Variants in BDNF observed in about 807,000 individuals in gnomAD.
The protein encoded by BDNF is brain derived neurotrophic factor, also known as neurotrophic factor BDNF precursor form.
A neutral mutation model predicts 19.5 loss-of-function variants in BDNF; 1 was observed. The observed-to-expected ratio is 0.05, with a 90% CI of 0.02 to 0.24. BDNF has a LOEUF of 0.24. Ranked by LOEUF, BDNF falls within the 10% of genes least tolerant of loss-of-function variation. The probability of loss-of-function intolerance (pLI) is 1.00; values close to 1 mark genes in which losing one functional copy is unlikely to be tolerated. For missense variants in BDNF, 195 were observed against 317.6 expected, an observed-to-expected ratio of 0.61 and a Z score of 2.93; for synonymous variants, 100 against 121.6, an observed-to-expected ratio of 0.82 and a Z score of 1.17.
chr11:27,700,377 G>T lies in BDNF; in HGVS notation c.-235C>A. Reference sequence around the variant, plus strand: ...CCGGCCCGGGAGCCCGAGGCGCTACGGGGTGCGCGGGACAGCGAGCGGGCG... The same window carrying T: ...CCGGCCCGGGAGCCCGAGGCGCTACTGGGTGCGCGGGACAGCGAGCGGGCG... On this transcript the variant is annotated 5_prime_UTR_variant, in exon 1 of 2. Transcript: ENST00000356660. 1 of 985,686 alleles carries T rather than the reference G, an allele frequency of 1.0e-6. No homozygotes were observed. Among genetic ancestry groups the T allele is most frequent in the Non-Finnish European group, 1.2e-6 (1 of 830,022 alleles). The allele number at this position is 985,686 out of a possible 1,614,324, so 61.1% of individuals were successfully genotyped here. A position where few individuals can be genotyped will look rare whatever the true frequency, so the allele number is the denominator to read the frequency against.
At chr11:27,659,060 C>T in intron 1 of BDNF, 2 of 1,029,866 alleles carry the variant, frequency 1.9e-6, no homozygotes, top group African/African-American at 1.7e-5. Flanking sequence ...CCTGAGGGGT[C>T]TGATGGGCCT....
chr11:27,713,257 G>A (rs1015057181), intron 1 of BDNF, among the ~76,000 whole-genome samples: 13 of 152,282 alleles, frequency 8.5e-5, no homozygotes, highest in South Asian at 8.3e-4. Flanking sequence ...AGTCCTTAGC[G>A]GAGGAGGAAG....
exon 1 of BDNF, chr11:27,721,509 GA>G: frequency 7.0e-7 from 1 of 1,428,068 alleles, no homozygotes; most frequent in Non-Finnish European, 9.9e-7. Flanking sequence ...GTCATCATGT[GA>G]GAAGTTCGGC....
chr11:27,687,603 T>G (rs1043943540), intron 1 of BDNF, among the ~76,000 whole-genome samples: 1 of 152,210 alleles, frequency 6.6e-6, no homozygotes, highest in African/African-American at 2.4e-5. Context: ...CGTGTGGACA[T>G]CCTTTTTGTT....
At chr11:27,661,518 C>A (rs527466844) in intron 1 of BDNF, among the ~76,000 whole-genome samples, 39 of 152,282 alleles carry the variant, frequency 2.6e-4, no homozygotes, top group Non-Finnish European at 5.3e-4. Context: ...GCCCTCACCA[C>A]CTCATTTTGT....
chr11:27,718,525 TC>T (rs1304221106), intron 1 of BDNF, among the ~76,000 whole-genome samples: 1 of 140,814 alleles, frequency 7.1e-6, no homozygotes. Context: ...TGATCAGAAA[TC>T]CCCCCGCCCC....
At chr11:27,706,936 T>G (rs989147882) in intron 1 of BDNF, among the ~76,000 whole-genome samples, 1 of 152,246 alleles carries the variant, frequency 6.6e-6, no homozygotes, top group African/African-American at 2.4e-5. Flanking sequence ...CATTTAGCTT[T>G]CACTGTTTTC....
At position 27,658,881 on chromosome 11, in the gene BDNF, A is replaced by T. The variant is rs1225675987; in HGVS notation, c.-21-296T>A. ...GTGGCTTCAAGTTCTCCTTCTTCCC[A>T]CTTTAGCAGCTTTGTAAGTTTAATT... On this transcript the variant is annotated intron_variant, in intron 1 of 1. Transcript: ENST00000356660. This position sits in a 1 kb window ranked among gnomAD's most constrained non-coding sequence, Gnocchi z 5.7. 1 of 1,270,444 alleles carries T rather than the reference A, an allele frequency of 7.9e-7. No individual in the cohort carries two copies. The highest frequency in any genetic ancestry group is 1.0e-6 in the Non-Finnish European group (1 of 996,756). The allele number at this position is 1,270,444 out of a possible 1,614,324, so 78.7% of individuals were successfully genotyped here. A position where few individuals can be genotyped will look rare whatever the true frequency, so the allele number is the denominator to read the frequency against.
intron 1 of BDNF, chr11:27,674,200 A>T: frequency 6.2e-7 from 1 of 1,605,238 alleles, no homozygotes; most frequent in Non-Finnish European, 8.5e-7. Flanking sequence ...TGGACCTGCA[A>T]CCCTTTCTGT....
intron 1 of BDNF, among the ~76,000 whole-genome samples, chr11:27,678,088 C>T (rs1350853285): frequency 2.6e-5 from 4 of 152,204 alleles, no homozygotes; most frequent in Non-Finnish European, 4.4e-5. Context: ...CCCTGTGAAA[C>T]GGCTGATACA....
At chr11:27,680,578 A>G (rs1180716531) in intron 1 of BDNF, among the ~76,000 whole-genome samples, 1 of 152,218 alleles carries the variant, frequency 6.6e-6, no homozygotes, top group Non-Finnish European at 1.5e-5. Flanking sequence ...AGGGAAAAAC[A>G]TGTTGAATCA....
chr11:27,708,825 C>CTTTT (rs67977614), intron 1 of BDNF, among the ~76,000 whole-genome samples: 289 of 112,316 alleles, frequency 2.6e-3, no homozygotes, highest in East Asian at 4.0e-3. Flanking sequence ...TAGAATTCCT[C>CTTTT]TTTTTTTTTT....
chr11:27,687,593 C>T (rs1052674613), intron 1 of BDNF, among the ~76,000 whole-genome samples: 4 of 151,834 alleles, frequency 2.6e-5, no homozygotes, highest in African/African-American at 4.8e-5. Context: ...ACGGGGTTTT[C>T]GTGTGGACAT....
chr11:27,686,312 C>T (rs1857474394), intron 1 of BDNF, among the ~76,000 whole-genome samples: 1 of 152,102 alleles, frequency 6.6e-6, no homozygotes, highest in South Asian at 2.1e-4. Context: ...GATGGGTCTC[C>T]AGAACACAGC....
rs565661103 is a variant in BDNF at position 27,656,811 on chromosome 11, T to TA, written c.*1009dup. 611 of 983,774 alleles carry TA rather than the reference T, an allele frequency of 6.2e-4. 1 individual carries two copies. The highest frequency in any genetic ancestry group is 5.7e-3 in the East Asian group (50 of 8,794). The allele number at this position is 983,774 out of a possible 1,614,324, so 60.9% of individuals were successfully genotyped here. On this transcript the variant is annotated 3_prime_UTR_variant, in exon 2 of 2. Transcript: ENST00000356660. ...GGTTATTTTTTGTTGTTTTCTGTTC[T>TA]AAAAAAAAATCACTGTTCTCCATGC... is the stretch of plus-strand genomic sequence containing the variant.
intron 1 of BDNF, among the ~76,000 whole-genome samples, chr11:27,712,764 C>G (rs1479227709): frequency 1.3e-5 from 2 of 151,710 alleles, no homozygotes; most frequent in East Asian, 3.9e-4. Context: ...ATCCACCCGC[C>G]TTGGCCTCCC....
intron 1 of BDNF, chr11:27,677,688 G>A (rs760156596): frequency 6.6e-6 from 1 of 152,200 alleles, no homozygotes; most frequent in African/African-American, 2.4e-5. Context: ...AGGTGAGCAG[G>A]GTATAAGTGG....
intron 1 of BDNF, among the ~76,000 whole-genome samples, chr11:27,713,354 C>T (rs1860411298): frequency 6.6e-6 from 1 of 152,090 alleles, no homozygotes; most frequent in African/African-American, 2.4e-5. Context: ...ATTCAAGAGC[C>T]CCTGTATAAT....
intron 1 of BDNF, among the ~76,000 whole-genome samples, chr11:27,697,164 C>CAGAGAGAG (rs72348822): frequency 4.5e-4 from 60 of 133,164 alleles, no homozygotes; most frequent in Middle Eastern, 3.8e-3. Flanking sequence ...CACACACACA[C>CAGAGAGAG]AGAGAGAGAG....
Sources: gnomAD v4.1 joint callset for allele counts (sites outside exome capture counted in the v4.1 genomes callset) on GRCh38, gnomAD v4.1.1 for gene constraint, Gnocchi (gnomAD v3.1) non-coding constraint, MANE v1.5 for transcripts, NCBI Gene and HGNC (gene_info 2026-07-23, HGNC 2026-07-21) for gene names.